Variants in SNTB2 observed in about 807,000 individuals in gnomAD.
SNTB2 encodes the protein syntrophin beta 2.
SNTB2 carries 34 observed loss-of-function variants against 46.2 expected under a neutral mutation model. The observed-to-expected ratio is 0.74, with a 90% CI of 0.56 to 0.98. The LOEUF (loss-of-function observed/expected upper bound fraction) is 0.98. Ranked by LOEUF, SNTB2 falls within the 50% of genes least tolerant of loss-of-function variation. The probability of loss-of-function intolerance (pLI) is 0.00; values close to 1 mark genes in which losing one functional copy is unlikely to be tolerated. For missense variants in SNTB2, 603 were observed against 731.4 expected, an observed-to-expected ratio of 0.82 and a Z score of 2.02; for synonymous variants, 290 against 312.6, an observed-to-expected ratio of 0.93 and a Z score of 0.76.
chr16:69,207,561 C>G (rs1353785562), intron 1 of SNTB2, among the ~76,000 whole-genome samples: 1 of 152,172 alleles, frequency 6.6e-6, no homozygotes, highest in Non-Finnish European at 1.5e-5. Context: ...TGTCGAGATT[C>G]AGTTTAAATG....
intron 1 of SNTB2, among the ~76,000 whole-genome samples, chr16:69,239,128 G>A (rs568980756): frequency 5.1e-4 from 78 of 152,212 alleles, no homozygotes; most frequent in African/African-American, 1.7e-3. Flanking sequence ...TGGCTGGAAT[G>A]TTTCTCCCAG....
chr16:69,254,472 A>G (rs1964754341), intron 2 of SNTB2, among the ~76,000 whole-genome samples: 1 of 152,174 alleles, frequency 6.6e-6, no homozygotes, highest in Admixed American at 6.6e-5. Context: ...TTGTAAGATT[A>G]TGCTTTTTAA....
intron 2 of SNTB2, among the ~76,000 whole-genome samples, chr16:69,251,127 C>T (rs1260784266): frequency 1.3e-5 from 2 of 150,632 alleles, no homozygotes; most frequent in Non-Finnish European, 3.0e-5. Context: ...TACAGGCTCC[C>T]GCCACTACGC....
At chr16:69,239,083 T>C (rs1597183168) in intron 1 of SNTB2, among the ~76,000 whole-genome samples, 3 of 152,302 alleles carry the variant, frequency 2.0e-5, no homozygotes, top group Admixed American at 2.0e-4. Context: ...ACACTCCTGT[T>C]AGTAACTCCT....
intron 5 of SNTB2, among the ~76,000 whole-genome samples, chr16:69,293,056 G>A (rs1459495059): frequency 6.6e-6 from 1 of 152,156 alleles, no homozygotes; most frequent in Non-Finnish European, 1.5e-5. Context: ...AGGAGTAAAT[G>A]TATTAGTTGG....
In SNTB2 at chr16:69,187,218, G is replaced by C; in HGVS notation, c.52G>C (p.Val18Leu). Residue 18 changes from valine (V) to leucine (L), a missense_variant, in exon 1 of 7, where the codon GTG becomes CTG. Physicochemically the swap from Val to Leu is conservative, Grantham distance 32 (BLOSUM62 1). Around this residue, in one of 2 missense-constraint regions of SNTB2, gnomAD observed 66 missense variants for 39.0 expected, o/e 1.69. Transcript: ENST00000336278. ...AAAGAGPAMA[V>L]WTRATKAGLV... is the part of the protein sequence containing the mutation. ...GGCTGGAGCGGGGCCGGCCATGGCGGTGTGGACGCGGGCCACCAAAGCGGG... is the reference window on the plus strand; with the variant it reads ...GGCTGGAGCGGGGCCGGCCATGGCGCTGTGGACGCGGGCCACCAAAGCGGG... The C allele has an allele frequency of 6.9e-7, 1 of 1,442,260 alleles. No homozygotes were observed. Among genetic ancestry groups the C allele is most frequent in the Non-Finnish European group, 9.1e-7 (1 of 1,099,210 alleles). The allele number at this position is 1,442,260 out of a possible 1,614,324, so 89.3% of individuals were successfully genotyped here.
At chr16:69,270,907 T>C (rs1414506109) in intron 4 of SNTB2, among the ~76,000 whole-genome samples, 1 of 152,192 alleles carries the variant, frequency 6.6e-6, no homozygotes, top group Non-Finnish European at 1.5e-5. Flanking sequence ...CAAATTCAAA[T>C]TTTTTTGGAC....
At chr16:69,251,209 A>C (rs565532284) in intron 2 of SNTB2, among the ~76,000 whole-genome samples, 1 of 150,458 alleles carries the variant, frequency 6.6e-6, no homozygotes, top group South Asian at 2.1e-4. Context: ...CGATCTGCTG[A>C]CCTCGTGATC....
At chr16:69,280,611 G>A (rs1436167240) in intron 4 of SNTB2, among the ~76,000 whole-genome samples, 6 of 144,506 alleles carry the variant, frequency 4.2e-5, no homozygotes, top group African/African-American at 7.7e-5. Context: ...CCTCCCTCCC[G>A]GACGGGGCGG....
Position 69,284,202 on chromosome 16 carries a change from G to A in SNTB2, c.1303G>A (p.Gly435Ser), listed in dbSNP as rs750937406. Residue 435 changes from glycine (G) to serine (S), a missense_variant, in exon 5 of 7, where the codon GGT (glycine) becomes AGT (serine). This residue lies in a region of SNTB2 where 537 missense variants were observed against 692.4 expected (regional missense o/e 0.78). Transcript: ENST00000336278. ...ATCCTGGACCAGGATACTTGTTCAG[G>A]GTTGCCATGCTGCTGCTGAGCTGAT... ...LSSWTRILVQGCHAAAELIKE... is the reference protein window; with the variant it reads ...LSSWTRILVQSCHAAAELIKE... 3 of 1,613,734 alleles carry A rather than the reference G, an allele frequency of 1.9e-6. No homozygotes were observed. The highest frequency in any genetic ancestry group is 1.1e-5 in the South Asian group (1 of 91,054).
intron 2 of SNTB2, among the ~76,000 whole-genome samples, chr16:69,255,573 A>T (rs987062523): frequency 3.4e-5 from 5 of 147,968 alleles, no homozygotes; most frequent in Non-Finnish European, 6.0e-5. Flanking sequence ...AAAAAAAAAA[A>T]GAAAGAAAGA....
rs1369318177 is a variant in SNTB2, at chr16:69,284,334, G to T, written c.1345+90G>T. 5.5e-6 allele frequency: 6 copies of T among 1,086,654 alleles called. No homozygotes were observed. In the African/African-American group the frequency reaches 7.9e-5, roughly 14 times the overall value. 67.3% of individuals were successfully genotyped at this position (1,086,654 alleles called of 1,614,324 possible). A position where few individuals can be genotyped will look rare whatever the true frequency, so the allele number is the denominator to read the frequency against. ...CATAATGACATTTCAGTCAGTGATGGATTGCATACATGACAGCAGTCCCCT... is the reference window on the plus strand; with the variant it reads ...CATAATGACATTTCAGTCAGTGATGTATTGCATACATGACAGCAGTCCCCT... On this transcript the variant is annotated intron_variant, in intron 5 of 6. Coordinates refer to ENST00000336278, the MANE Select transcript of SNTB2 (RefSeq NM_006750.4).
intron 4 of SNTB2, among the ~76,000 whole-genome samples, chr16:69,277,929 C>A (rs1327611897): frequency 2.0e-4 from 31 of 152,202 alleles, no homozygotes; most frequent in Non-Finnish European, 4.4e-5. Flanking sequence ...TGCCTGTAAT[C>A]CCTGCACTTT....
chr16:69,273,195 A>G (rs1567412012), intron 4 of SNTB2, among the ~76,000 whole-genome samples: 1 of 152,236 alleles, frequency 6.6e-6, no homozygotes, highest in Non-Finnish European at 1.5e-5. Flanking sequence ...AAAGCTAAAC[A>G]TAGAGTCACC....
At chr16:69,210,099 C>T (rs1964265969) in intron 1 of SNTB2, among the ~76,000 whole-genome samples, 2 of 147,796 alleles carry the variant, frequency 1.4e-5, no homozygotes, top group Admixed American at 1.4e-4. Context: ...AATCTCAGCT[C>T]ACCACCATCC....
intron 5 of SNTB2, 42 bp from the exon 6 acceptor site, chr16:69,299,548 A>G (rs1351520985): frequency 2.5e-6 from 4 of 1,589,866 alleles, no homozygotes; most frequent in African/African-American, 2.7e-5. Flanking sequence ...GATAACTGAC[A>G]TAGCAACTTT....
At position 69,303,202 on chromosome 16, in the gene SNTB2, C is replaced by G. The variant is rs1405640551; in HGVS notation, c.*2278C>G. 6.6e-6 allele frequency: 1 copy of G among 152,172 alleles called. No homozygotes were observed. Among genetic ancestry groups the G allele is most frequent in the Non-Finnish European group, 1.5e-5 (1 of 68,044 alleles). The allele number at this position is 152,172 out of a possible 1,614,324, so 9.4% of individuals were successfully genotyped here. ...TTTCATTTCAGAGAAGGAAAAAAAT[C>G]TCTTGAACGTCCAGAAATGATTTCT... On this transcript the variant is annotated 3_prime_UTR_variant, in exon 7 of 7. Coordinates refer to ENST00000336278, the MANE Select transcript of SNTB2 (RefSeq NM_006750.4).
chr16:69,236,804 T>C (rs1315588791), intron 1 of SNTB2, among the ~76,000 whole-genome samples: 1 of 152,098 alleles, frequency 6.6e-6, no homozygotes, highest in Non-Finnish European at 1.5e-5. Context: ...ATTTGGCACC[T>C]GATTAGATGT....
intron 1 of SNTB2, among the ~76,000 whole-genome samples, chr16:69,229,103 T>C (rs1964483214): frequency 6.6e-6 from 1 of 152,178 alleles, no homozygotes; most frequent in Non-Finnish European, 1.5e-5. Flanking sequence ...TCCCCCGACG[T>C]TGTATTGTTT....
Sources: allele counts gnomAD v4.1 joint callset (sites outside exome capture counted in the v4.1 genomes callset), GRCh38; gene constraint gnomAD v4.1.1; regional missense constraint gnomAD v4.1.1; transcripts MANE v1.5; gene names NCBI Gene and HGNC (gene_info 2026-07-23, HGNC 2026-07-21).